MROH2B: variants seen among roughly 807,000 people sequenced by gnomAD.
MROH2B encodes the protein maestro heat like repeat family member 2B.
In MROH2B, 177 loss-of-function variants were observed where a neutral mutation model predicts 208.6. The ratio of observed to expected loss-of-function variants is 0.85; its 90% CI spans 0.75 to 0.96. MROH2B has a LOEUF of 0.96. Ranked by LOEUF, MROH2B falls within the 40% of genes least tolerant of loss-of-function variation. The pLI is 0.00. For missense variants in MROH2B, 2,002 were observed against 1,878.7 expected, an observed-to-expected ratio of 1.07 and a Z score of -1.21; for synonymous variants, 728 against 659.0, an observed-to-expected ratio of 1.10 and a Z score of -1.60.
chr5:40,999,591 T>C (rs962778597), intron 40 of MROH2B, 86 bp downstream of exon 40: 68 of 1,065,622 alleles, frequency 6.4e-5, no homozygotes, highest in Non-Finnish European at 9.0e-5. Flanking sequence ...GTCCTACTAG[T>C]GTTCATACTG....
intron 1 of MROH2B, 115 bp from the exon 2 acceptor site, chr5:41,069,867 C>G: frequency 1.4e-6 from 1 of 704,338 alleles, no homozygotes. Flanking sequence ...CTCTCTCTCT[C>G]CCTTGACTGC....
At chr5:41,000,560 A>G (rs1741363439) in intron 38 of MROH2B, 118 bp downstream of exon 38, 1 of 1,378,922 alleles carries the variant, frequency 7.3e-7, no homozygotes, top group Non-Finnish European at 9.7e-7. Context: ...AGAGGTTTTC[A>G]GGTTCAGCGC....
At chr5:41,001,705 G>A (rs1033262275) in intron 37 of MROH2B, among the ~76,000 whole-genome samples, 4 of 151,534 alleles carry the variant, frequency 2.6e-5, no homozygotes, top group Non-Finnish European at 5.9e-5. Flanking sequence ...TGACAGAGCA[G>A]GACTCTGTCT....
intron 5 of MROH2B, among the ~76,000 whole-genome samples, chr5:41,062,011 C>A (rs1319913081): frequency 6.7e-6 from 1 of 148,994 alleles, no homozygotes; most frequent in Non-Finnish European, 1.5e-5. Context: ...GGTAGAAGGG[C>A]GAATTGGTTC....
intron 22 of MROH2B, among the ~76,000 whole-genome samples, 174 bp from the exon 23 acceptor site, chr5:41,033,334 C>T (rs886738445): frequency 1.3e-5 from 2 of 152,028 alleles, no homozygotes; most frequent in Admixed American, 6.6e-5. Context: ...GAAACAAATG[C>T]CATTTTTCCT....
At chr5:41,031,186 C>T (rs1484185234) in intron 24 of MROH2B, among the ~76,000 whole-genome samples, 1 of 152,070 alleles carries the variant, frequency 6.6e-6, no homozygotes, top group Non-Finnish European at 1.5e-5. Flanking sequence ...GCTCAGGAAG[C>T]CTCAGGAAAC....
intron 24 of MROH2B, among the ~76,000 whole-genome samples, chr5:41,029,556 A>G (rs6873239): frequency 0.6 from 91,692 of 151,964 alleles, 28,154 homozygotes; most frequent in Non-Finnish European, 0.66. Flanking sequence ...TGTTGTTGGA[A>G]AAACTGAATA....
Position 41,004,788 on chromosome 5 carries a change from C to T in MROH2B, c.3997G>A (p.Gly1333Arg), listed in dbSNP as rs377394471. ...AIRGLGNTAS[G>R]APHKVKKHKQ... ...ACGCCTTTTACCTTGTGAGGAGCCC[C>T]GGATGCTGTGTTGCCGAGCCCTCGG... Residue 1333 changes from glycine (G) to arginine (R), a missense_variant, in exon 36 of 42, where the codon GGG becomes AGG. Transcript: ENST00000399564. 21 of 1,613,656 alleles carry T rather than the reference C, an allele frequency of 1.3e-5. No individual in the cohort carries two copies. In the African/African-American group the frequency reaches 2.8e-4, roughly 22 times the overall value.
intron 38 of MROH2B, 116 bp downstream of exon 38, chr5:41,000,562 G>T: frequency 7.2e-7 from 1 of 1,387,138 alleles, no homozygotes; most frequent in East Asian, 2.5e-5. Flanking sequence ...AGGTTTTCAG[G>T]TTCAGCGCTA....
intron 37 of MROH2B, among the ~76,000 whole-genome samples, chr5:41,002,520 T>C (rs1741428375): frequency 6.6e-6 from 1 of 152,202 alleles, no homozygotes; most frequent in East Asian, 1.9e-4. Flanking sequence ...AACTTGGAGA[T>C]TATAGAAAGC....
At chr5:41,032,439 G>T (rs1420434605) in intron 24 of MROH2B, among the ~76,000 whole-genome samples, 2 of 152,056 alleles carry the variant, frequency 1.3e-5, no homozygotes, top group African/African-American at 4.8e-5. Context: ...ATTAAAATTT[G>T]CCTGGAGGCC....
At chr5:40,998,957 T>A (rs1741299418) in intron 40 of MROH2B, among the ~76,000 whole-genome samples, 1 of 152,174 alleles carries the variant, frequency 6.6e-6, no homozygotes, top group African/African-American at 2.4e-5. Context: ...CAAATGTGTG[T>A]AAGATAGGGT....
At chr5:41,020,975 A>G (rs571301601) in intron 24 of MROH2B, among the ~76,000 whole-genome samples, 1 of 152,220 alleles carries the variant, frequency 6.6e-6, no homozygotes, top group Non-Finnish European at 1.5e-5. Flanking sequence ...TTAAAAAGGT[A>G]TCTAAATTGG....
In MROH2B at chr5:40,999,730, G is replaced by A. The variant is rs901207890; in HGVS notation, c.4532C>T (p.Thr1511Ile). The A allele has an allele frequency of 3.7e-6, 6 of 1,613,628 alleles. No homozygotes were observed. The African/African-American group carries it at 8.0e-5, about 22-fold the overall frequency. The change falls in exon 40 of 42, where the codon ACC becomes ATC. Residue 1511 changes from threonine (T) to isoleucine (I), a missense_variant. Thr to Ile is a moderately conservative substitution (Grantham distance 89). Transcript: ENST00000399564. ...ILWILHTHSFTFFTSTWEVIR... is the reference protein window; with the variant it reads ...ILWILHTHSFIFFTSTWEVIR... ...CACCTCCCAGGTGCTGGTGAAGAAG[G>A]TGAAGGAGTGTGTGTGGAGGATCCA...
At chr5:41,056,963 G>A in intron 9 of MROH2B, 146 bp downstream of exon 9, 3 of 815,490 alleles carry the variant, frequency 3.7e-6, no homozygotes, top group Non-Finnish European at 5.9e-6. Flanking sequence ...AGAGGGGCAG[G>A]CACAGAAAAC....
At chr5:41,001,454 G>A (rs60821840) in intron 37 of MROH2B, among the ~76,000 whole-genome samples, 30,898 of 152,096 alleles carry the variant, frequency 0.2, 3,554 homozygotes, top group Middle Eastern at 0.31. Context: ...GCTCATGCCT[G>A]TAATCCCAGC....
intron 24 of MROH2B, among the ~76,000 whole-genome samples, chr5:41,024,345 C>A (rs898790553): frequency 2.0e-5 from 3 of 152,078 alleles, no homozygotes; most frequent in Middle Eastern, 3.4e-3. Context: ...GGAAGATATA[C>A]CAAGCAAATG....
intron 24 of MROH2B, among the ~76,000 whole-genome samples, chr5:41,021,421 T>C (rs1742144101): frequency 6.6e-6 from 1 of 152,198 alleles, no homozygotes; most frequent in Non-Finnish European, 1.5e-5. Flanking sequence ...GGGTGCTTTT[T>C]GTAGAAATAG....
intron 40 of MROH2B, among the ~76,000 whole-genome samples, chr5:40,999,245 T>A (rs1741309365): frequency 6.6e-6 from 1 of 152,230 alleles, no homozygotes; most frequent in African/African-American, 2.4e-5. Flanking sequence ...CAGGGGCTGC[T>A]GGCCCCCACA....
Sources: allele counts gnomAD v4.1 joint callset (sites outside exome capture counted in the v4.1 genomes callset), GRCh38; gene constraint gnomAD v4.1.1; transcripts MANE v1.5; gene names NCBI Gene and HGNC (gene_info 2026-07-23, HGNC 2026-07-21).